Variants in EXOC4 observed in about 807,000 individuals in gnomAD.
The protein encoded by EXOC4 is SEC8-like 1.
A neutral mutation model predicts 107.2 loss-of-function variants in EXOC4; 71 were observed. The ratio of observed to expected loss-of-function variants is 0.66; its 90% CI spans 0.55 to 0.81. The LOEUF is 0.81. Among genes scored for constraint, EXOC4 ranks in the 30% least tolerant of loss-of-function variants. EXOC4 has a pLI of 0.00. For synonymous variants in EXOC4, 456 were observed against 441.2 expected, an observed-to-expected ratio of 1.03 and a Z score of -0.42; for missense variants, 1,108 against 1,189.6, an observed-to-expected ratio of 0.93 and a Z score of 1.01.
intron 11 of EXOC4, among the ~76,000 whole-genome samples, chr7:133,878,720 T>TTGTG (rs1398047809): frequency 6.6e-6 from 1 of 152,128 alleles, no homozygotes; most frequent in Non-Finnish European, 1.5e-5. Flanking sequence ...TTTGTTTTTT[T>TTGTG]TATGTTTGTT....
Position 133,669,004 on chromosome 7 carries a change from A to ATTTT in EXOC4, c.1514+38878_1514+38881dup, listed in dbSNP as rs58354607. 8.8e-4 allele frequency among the ~76,000 whole-genome samples: 104 copies of ATTTT among 118,436 alleles called. 5 individuals are homozygous for ATTTT. The highest frequency in any genetic ancestry group is 2.4e-3 in the Admixed American group (25 of 10,472). The allele number at this position is 118,436 out of a possible 152,430, so 77.7% of individuals were successfully genotyped here. A position where few individuals can be genotyped will look rare whatever the true frequency, so the allele number is the denominator to read the frequency against. On this transcript the variant is annotated intron_variant, in intron 10 of 17. Transcript: ENST00000253861. Reference sequence around the variant, plus strand: ...TATGCACAATAGAATTGTTCTCCCAATTTTTTTTTTTTTTTTTTGCCTGTC... The same window carrying ATTTT: ...TATGCACAATAGAATTGTTCTCCCAATTTTTTTTTTTTTTTTTTTTTTGCCTGTC...
chr7:133,647,308 C>G (rs1261746484), intron 10 of EXOC4, among the ~76,000 whole-genome samples: 1 of 151,896 alleles, frequency 6.6e-6, no homozygotes, highest in Admixed American at 6.6e-5. Context: ...TTGAAATTTG[C>G]GTATGTATTG....
chr7:133,566,738 A>G (rs574873631), intron 9 of EXOC4, among the ~76,000 whole-genome samples: 22 of 152,358 alleles, frequency 1.4e-4, no homozygotes, highest in Non-Finnish European at 2.8e-4. Flanking sequence ...TACCTTTCAT[A>G]GAATAGATAC....
At chr7:133,653,136 T>C (rs1398535162) in intron 10 of EXOC4, among the ~76,000 whole-genome samples, 1 of 152,198 alleles carries the variant, frequency 6.6e-6, no homozygotes, top group Non-Finnish European at 1.5e-5. Context: ...CAGTTGTATG[T>C]AATGTTTTTC....
At chr7:133,785,712 G>C (rs1393648789) in intron 10 of EXOC4, among the ~76,000 whole-genome samples, 1 of 147,956 alleles carries the variant, frequency 6.8e-6, no homozygotes, top group Admixed American at 6.8e-5. Flanking sequence ...TCGTTCTTTT[G>C]CCCAGGCTGG....
chr7:133,467,976 G>C (rs1211367742), intron 7 of EXOC4, among the ~76,000 whole-genome samples: 1 of 151,912 alleles, frequency 6.6e-6, no homozygotes, highest in African/African-American at 2.4e-5. Context: ...CTGAGGGAAG[G>C]ACTTATTTTT....
At position 133,306,004 on chromosome 7, in the gene EXOC4, T is replaced by C; in HGVS notation, c.599T>C (p.Leu200Pro). 1.2e-6 allele frequency: 2 copies of C among 1,613,824 alleles called. No homozygotes were observed. The highest frequency in any genetic ancestry group is 1.1e-5 in the South Asian group (1 of 91,020). ...CTCATAGATGAACTACACCGGCACC[T>C]GTACATCAAATCGACTAGCCGAGTT... Reference protein sequence around the residue: ...LVLIDELHRHLYIKSTSRVVQ... With the variant: ...LVLIDELHRHPYIKSTSRVVQ... Residue 200 changes from leucine (L) to proline (P), a missense_variant, in exon 4 of 18, where the codon CTG becomes CCG. Leu to Pro is a moderately conservative substitution (Grantham distance 98). Transcript: ENST00000253861.
chr7:133,821,822 A>C (rs1797528974), intron 11 of EXOC4, among the ~76,000 whole-genome samples: 1 of 152,208 alleles, frequency 6.6e-6, no homozygotes, highest in Non-Finnish European at 1.5e-5. Context: ...AGCTCCTAGA[A>C]TAGTGTCTGC....
At chr7:133,555,465 A>C (rs947657494) in intron 9 of EXOC4, among the ~76,000 whole-genome samples, 1 of 152,204 alleles carries the variant, frequency 6.6e-6, no homozygotes, top group Non-Finnish European at 1.5e-5. Context: ...GGACTATTTG[A>C]AAGACACACA....
At chr7:133,519,821 A>G (rs1799947728) in intron 9 of EXOC4, among the ~76,000 whole-genome samples, 1 of 152,200 alleles carries the variant, frequency 6.6e-6, no homozygotes, top group Non-Finnish European at 1.5e-5. Flanking sequence ...ATCAATGGAA[A>G]TGAATACACA....
At chr7:133,425,934 A>G (rs557725988) in intron 7 of EXOC4, among the ~76,000 whole-genome samples, 39 of 152,304 alleles carry the variant, frequency 2.6e-4, no homozygotes, top group African/African-American at 9.1e-4. Context: ...CCAAACCGTT[A>G]TATTTCCTAA....
chr7:133,818,106 A>T (rs1248538016), intron 11 of EXOC4, among the ~76,000 whole-genome samples: 1 of 152,220 alleles, frequency 6.6e-6, no homozygotes, highest in African/African-American at 2.4e-5. Context: ...CAGAAAAAAT[A>T]AAATAATCTG....
Position 133,787,955 on chromosome 7 carries a change from TTATATATTTA to T in EXOC4, c.1515-29362_1515-29353del, listed in dbSNP as rs1232001755. On this transcript the variant is annotated intron_variant, in intron 10 of 17. Transcript: ENST00000253861. The stretch of plus-strand genomic sequence containing the variant: ...AGATACTTCTTCCCTGTGCATATAT[TTATATATTTA>T]TATATATATATATATATATATATAT... Among the ~76,000 whole-genome samples, 212 of 31,606 alleles carry T rather than the reference TTATATATTTA, an allele frequency of 6.7e-3. 4 individuals carry two copies. The highest frequency in any genetic ancestry group is 0.021 in the Middle Eastern group (1 of 48). The allele number at this position is 31,606 out of a possible 152,430, so 20.7% of individuals were successfully genotyped here.
intron 9 of EXOC4, among the ~76,000 whole-genome samples, chr7:133,598,789 C>G (rs1801741118): frequency 6.6e-6 from 1 of 152,090 alleles, no homozygotes; most frequent in Non-Finnish European, 1.5e-5. Context: ...TGTGACCAGC[C>G]TGGCCAACAT....
intron 17 of EXOC4, among the ~76,000 whole-genome samples, chr7:134,014,812 T>C (rs1157513672): frequency 6.6e-6 from 1 of 151,946 alleles, no homozygotes; most frequent in Non-Finnish European, 1.5e-5. Context: ...AAAAAGAGGT[T>C]GAGTTTTAAG....
At chr7:133,894,971 C>T (rs1205925806) in intron 11 of EXOC4, 1 of 90,702 alleles carries the variant, frequency 1.1e-5, no homozygotes, top group Non-Finnish European at 2.0e-5. Flanking sequence ...TTTGAGCTTC[C>T]CGGCTGCTTT....
At chr7:133,373,881 G>A (rs922190046) in intron 6 of EXOC4, among the ~76,000 whole-genome samples, 2 of 152,222 alleles carry the variant, frequency 1.3e-5, no homozygotes, top group Admixed American at 6.5e-5. Flanking sequence ...TAATGGAGAA[G>A]TGAGGTAAAG....
intron 15 of EXOC4, 99 bp downstream of exon 15, chr7:133,997,732 A>G (rs1794431236): frequency 5.2e-6 from 7 of 1,355,264 alleles, no homozygotes; most frequent in Admixed American, 4.4e-5. Context: ...TTTCTGGCTC[A>G]TATTATTGAT....
intron 9 of EXOC4, among the ~76,000 whole-genome samples, chr7:133,503,770 G>T (rs1045205506): frequency 1.3e-5 from 2 of 152,134 alleles, no homozygotes; most frequent in Non-Finnish European, 2.9e-5. Context: ...AGCAAAGGGA[G>T]CCTAAGCGTA....
Sources: allele counts gnomAD v4.1 joint callset (sites outside exome capture counted in the v4.1 genomes callset), GRCh38; gene constraint gnomAD v4.1.1; transcripts MANE v1.5; gene names NCBI Gene and HGNC (gene_info 2026-07-23, HGNC 2026-07-21).